The following DENND4C variants were observed in gnomAD, a reference collection of about 807,000 sequenced individuals.
DENND4C encodes the protein DENN domain containing 4C, also known as DENN domain-containing protein 4C.
Under a neutral mutation model 203.0 loss-of-function variants are expected in DENND4C, and 108 were observed. The ratio of observed to expected loss-of-function variants is 0.53; its 90% confidence interval spans 0.46 to 0.62. DENND4C has a LOEUF of 0.62. DENND4C is among the 20% of genes least tolerant of loss of function. The pLI is 0.00. For missense variants in DENND4C, 2,481 were observed against 2,301.2 expected, an observed-to-expected ratio of 1.08 and a Z score of -1.60; for synonymous variants, 871 against 792.4, an observed-to-expected ratio of 1.10 and a Z score of -1.67.
chr9:19,319,674 T>C (rs965451726), intron 12 of DENND4C, among the ~76,000 whole-genome samples: 1 of 151,866 alleles, frequency 6.6e-6, no homozygotes, highest in Non-Finnish European at 1.5e-5. Flanking sequence ...AAAAGATACT[T>C]ACTCAGTTTC....
intron 1 of DENND4C, among the ~76,000 whole-genome samples, chr9:19,237,600 G>C (rs981919628): frequency 6.6e-6 from 1 of 151,886 alleles, no homozygotes; most frequent in East Asian, 1.9e-4. Flanking sequence ...TTTGTGATCC[G>C]CCCGCCTCGA....
chr9:19,273,732 A>G (rs1371189028), intron 1 of DENND4C, among the ~76,000 whole-genome samples: 1 of 151,626 alleles, frequency 6.6e-6, no homozygotes. Context: ...ATCAGTACAT[A>G]CTGATTAGAA....
chr9:19,311,659 C>T (rs1167320188), intron 10 of DENND4C, among the ~76,000 whole-genome samples: 1 of 152,040 alleles, frequency 6.6e-6, no homozygotes, highest in African/African-American at 2.4e-5. Flanking sequence ...TTATTTAATG[C>T]TTAAGCACCT....
chr9:19,259,505 CTTTTTTTTTT>C (rs1021585159), intron 1 of DENND4C, among the ~76,000 whole-genome samples: 1 of 131,500 alleles, frequency 7.6e-6, no homozygotes, highest in Admixed American at 8.0e-5. Context: ...TTTCTTTTTT[CTTTTTTTTTT>C]TTTTTTGAGA....
chr9:19,368,372 G>T (rs1051198264), intron 30 of DENND4C, among the ~76,000 whole-genome samples: 1 of 150,458 alleles, frequency 6.6e-6, no homozygotes, highest in Non-Finnish European at 1.5e-5. Context: ...AAGACAATCC[G>T]CCTGCCTCAG....
chr9:19,313,543 TAGAC>T (rs1176520965), intron 10 of DENND4C, among the ~76,000 whole-genome samples: 3 of 152,200 alleles, frequency 2.0e-5, no homozygotes, highest in African/African-American at 7.2e-5. Context: ...ACTAAAATAT[TAGAC>T]AGCGATTACA....
intron 10 of DENND4C, among the ~76,000 whole-genome samples, chr9:19,307,017 C>G (rs944750330): frequency 6.6e-6 from 1 of 152,050 alleles, no homozygotes; most frequent in Non-Finnish European, 1.5e-5. Context: ...CTGCTGACCT[C>G]AGGTGATCCA....
chr9:19,338,914 A>C (rs562680982), intron 20 of DENND4C, among the ~76,000 whole-genome samples: 2 of 152,164 alleles, frequency 1.3e-5, no homozygotes, highest in African/African-American at 4.8e-5. Flanking sequence ...TGTGTCTTTT[A>C]TTGACATCTT....
Position 19,326,179 on chromosome 9 carries a change from T to C in DENND4C, c.2105T>C (p.Leu702Pro), listed in dbSNP as rs1444347210. The change falls in exon 15 of 33, where the codon CTG (leucine) becomes CCG (proline). Residue 702 changes from leucine (L) to proline (P), a missense_variant. Around this residue, in one of 3 missense-constraint regions of DENND4C, gnomAD observed 2,289 missense variants for 2,113.3 expected, o/e 1.08. Coordinates refer to ENST00000434457, the MANE Select transcript of DENND4C (RefSeq NM_001330640.2). ...PEPPPDDGKD[L>P]SPKYSYKYFP... ...CCACCTCCTGATGATGGAAAGGACC[T>C]GTCACCAAAGTACAGGTAGTAGGAA... The C allele has an allele frequency of 1.2e-6, 2 of 1,612,038 alleles. No individual in the cohort carries two copies. Among genetic ancestry groups the C allele is most frequent in the South Asian group, 1.1e-5 (1 of 90,452 alleles).
chr9:19,320,732 A>T (rs1188571633), intron 12 of DENND4C, among the ~76,000 whole-genome samples: 2 of 152,134 alleles, frequency 1.3e-5, no homozygotes, highest in Middle Eastern at 3.2e-3. Flanking sequence ...TGGCTGTCCT[A>T]CTTTTAGTGT....
At chr9:19,292,978 C>T (rs1304431961) in intron 5 of DENND4C, among the ~76,000 whole-genome samples, 1 of 152,150 alleles carries the variant, frequency 6.6e-6, no homozygotes, top group African/African-American at 2.4e-5. Flanking sequence ...ACCTTTATAA[C>T]TACTGTGATA....
At chr9:19,262,031 T>G (rs904545991) in intron 1 of DENND4C, among the ~76,000 whole-genome samples, 1 of 151,688 alleles carries the variant, frequency 6.6e-6, no homozygotes, top group African/African-American at 2.4e-5. Flanking sequence ...TACTGATTTT[T>G]GTATATTGAT....
intron 1 of DENND4C, among the ~76,000 whole-genome samples, chr9:19,239,205 ACT>A (rs1322190721): frequency 1.3e-5 from 2 of 151,448 alleles, no homozygotes; most frequent in Admixed American, 1.3e-4. Context: ...TAATTTTAGA[ACT>A]CTCTTATTTT....
At position 19,336,833 on chromosome 9, in the gene DENND4C, G is replaced by A. The variant is rs1820586226; in HGVS notation, c.2881+1G>A. On this transcript the variant is annotated splice_donor_variant, in intron 20 of 32. Coordinates refer to ENST00000434457, the MANE Select transcript of DENND4C (RefSeq NM_001330640.2). LOFTEE classifies it high-confidence loss of function. ...TCCATTGATAATCACTCTAGCACAG[G>A]TACTAAAATCCAGATTTTACTAACC... 6.5e-7 allele frequency: 1 copy of A among 1,545,110 alleles called. No homozygotes were observed. Among genetic ancestry groups the A allele is most frequent in the African/African-American group, 1.4e-5 (1 of 72,804 alleles).
At chr9:19,255,762 A>T (rs1319096009) in intron 1 of DENND4C, among the ~76,000 whole-genome samples, 1 of 152,260 alleles carries the variant, frequency 6.6e-6, no homozygotes, top group South Asian at 2.1e-4. Context: ...AGACAAATCC[A>T]TAATTTTAGT....
chr9:19,326,934 T>G (rs746556680), intron 15 of DENND4C, among the ~76,000 whole-genome samples: 1 of 152,142 alleles, frequency 6.6e-6, no homozygotes, highest in Non-Finnish European at 1.5e-5. Flanking sequence ...CTCATGGATT[T>G]GTTTGTAGTT....
chr9:19,242,879 C>G (rs1171505829), intron 1 of DENND4C, among the ~76,000 whole-genome samples: 18 of 152,138 alleles, frequency 1.2e-4, no homozygotes, highest in Non-Finnish European at 2.9e-5. Flanking sequence ...TAGTCTCGAT[C>G]TCCTGACCTC....
At chr9:19,294,349 A>T (rs184199262) in intron 5 of DENND4C, among the ~76,000 whole-genome samples, 4 of 152,250 alleles carry the variant, frequency 2.6e-5, no homozygotes, top group Middle Eastern at 3.4e-3. Context: ...GCAAAGGAAT[A>T]AAGAGTTTGA....
Position 19,240,115 on chromosome 9 carries a change from A to G in DENND4C, c.-18+9282A>G, listed in dbSNP as rs2131429372. Reference sequence around the variant, plus strand: ...ACTCTCTTGTTAGATGTACACAGTCATAAGTAATTTAACTAGGGGGATACA... The same window carrying G: ...ACTCTCTTGTTAGATGTACACAGTCGTAAGTAATTTAACTAGGGGGATACA... On this transcript the variant is annotated intron_variant, in intron 1 of 32. Coordinates refer to ENST00000434457, the MANE Select transcript of DENND4C (RefSeq NM_001330640.2). Among the ~76,000 whole-genome samples the G allele has an allele frequency of 1.3e-5, 2 of 152,316 alleles. 1 individual carries two copies. Among genetic ancestry groups the G allele is most frequent in the Middle Eastern group, 6.8e-3 (2 of 294 alleles).
Sources: allele counts gnomAD v4.1 joint callset (sites outside exome capture counted in the v4.1 genomes callset), GRCh38; gene constraint gnomAD v4.1.1; regional missense constraint gnomAD v4.1.1; transcripts MANE v1.5; gene names NCBI Gene and HGNC (gene_info 2026-07-23, HGNC 2026-07-21).